Variants in ARHGAP26 observed in about 807,000 individuals in gnomAD.
The protein encoded by ARHGAP26 is Rho GTPase activating protein 26.
Under a neutral mutation model 104.8 loss-of-function variants are expected in ARHGAP26, and 38 were observed. The ratio of observed to expected loss-of-function variants is 0.36; its 90% CI spans 0.28 to 0.48. The LOEUF is 0.48. Among genes scored for constraint, ARHGAP26 ranks in the 20% least tolerant of loss-of-function variants. The probability of loss-of-function intolerance (pLI) is 0.99; values close to 1 mark genes in which losing one functional copy is unlikely to be tolerated. For missense variants in ARHGAP26, 704 were observed against 947.9 expected (o/e 0.74, Z 3.38); for synonymous variants, 341 against 340.0 (o/e 1.00, Z -0.03).
At chr5:143,195,316 G>C (rs1427545615) in intron 20 of ARHGAP26, among the ~76,000 whole-genome samples, 2 of 152,174 alleles carry the variant, frequency 1.3e-5, no homozygotes, top group Non-Finnish European at 2.9e-5. Flanking sequence ...CTCCTCTCCA[G>C]GGTTACCTGT....
intron 20 of ARHGAP26, among the ~76,000 whole-genome samples, chr5:143,157,707 T>C (rs112363966): frequency 0.011 from 1,703 of 152,344 alleles, 27 homozygotes; most frequent in African/African-American, 0.036. Flanking sequence ...GGCATTACTA[T>C]GGTAGAGATC....
intron 2 of ARHGAP26, chr5:142,874,819 G>T (rs1173902661): frequency 6.8e-6 from 2 of 294,556 alleles, no homozygotes; most frequent in East Asian, 1.4e-4. Flanking sequence ...CCAGCCCGGG[G>T]CCTGGAAGCC....
intron 1 of ARHGAP26, among the ~76,000 whole-genome samples, chr5:142,798,549 T>C (rs1761438500): frequency 6.6e-6 from 1 of 152,192 alleles, no homozygotes; most frequent in Non-Finnish European, 1.5e-5. Flanking sequence ...AAATGGAGTA[T>C]TGTGTAGCAT....
intron 1 of ARHGAP26, chr5:142,867,757 C>A (rs1394892481): frequency 6.6e-6 from 1 of 152,154 alleles, no homozygotes; most frequent in East Asian, 1.9e-4. Context: ...CAATGGACAA[C>A]ATGAAGGGAG....
At chr5:143,214,513 A>T (rs1810023475) in intron 22 of ARHGAP26, among the ~76,000 whole-genome samples, 1 of 152,216 alleles carries the variant, frequency 6.6e-6, no homozygotes, top group Non-Finnish European at 1.5e-5. Context: ...AAAGGCCCTG[A>T]TGCTCTCATA....
intron 19 of ARHGAP26, among the ~76,000 whole-genome samples, chr5:143,134,889 T>C (rs565684257): frequency 1.3e-5 from 2 of 152,406 alleles, no homozygotes; most frequent in East Asian, 1.9e-4. Flanking sequence ...GCCTGGGACA[T>C]GGCAAGGGCC....
chr5:142,837,311 G>T (rs762472471), intron 1 of ARHGAP26, among the ~76,000 whole-genome samples: 1 of 152,016 alleles, frequency 6.6e-6, no homozygotes, highest in Non-Finnish European at 1.5e-5. Context: ...TCCCATGAGA[G>T]GAATTAAGGA....
At chr5:143,113,493 T>G (rs1795021066) in intron 17 of ARHGAP26, among the ~76,000 whole-genome samples, 1 of 152,206 alleles carries the variant, frequency 6.6e-6, no homozygotes, top group African/African-American at 2.4e-5. Context: ...AGAACCCATT[T>G]TGGCTATTTT....
intron 14 of ARHGAP26, among the ~76,000 whole-genome samples, chr5:143,052,007 G>C (rs1363684964): frequency 1.3e-5 from 2 of 152,188 alleles, no homozygotes; most frequent in Non-Finnish European, 2.9e-5. Flanking sequence ...AGAGGTTTTT[G>C]ATACATACTC....
chr5:143,110,588 C>A (rs986487389), intron 17 of ARHGAP26, among the ~76,000 whole-genome samples: 2 of 152,116 alleles, frequency 1.3e-5, no homozygotes, highest in Non-Finnish European at 2.9e-5. Flanking sequence ...ACTTTTAAAC[C>A]TCCTCTATTT....
At chr5:143,136,521 A>G (rs1387405411) in intron 19 of ARHGAP26, among the ~76,000 whole-genome samples, 1 of 152,154 alleles carries the variant, frequency 6.6e-6, no homozygotes, top group African/African-American at 2.4e-5. Flanking sequence ...TTTAACTGCA[A>G]TTTATATGGG....
At chr5:142,928,346 A>G (rs892302409) in intron 10 of ARHGAP26, among the ~76,000 whole-genome samples, 2 of 151,796 alleles carry the variant, frequency 1.3e-5, no homozygotes, top group Non-Finnish European at 2.9e-5. Context: ...TCTGGACGCT[A>G]TTGAATTCTT....
intron 9 of ARHGAP26, among the ~76,000 whole-genome samples, chr5:142,912,460 G>A (rs993009085): frequency 3.6e-4 from 55 of 152,198 alleles, no homozygotes; most frequent in African/African-American, 1.3e-3. Flanking sequence ...TGGGGATGAT[G>A]GAATTGTTTG....
chr5:143,185,716 C>G (rs1734190231), intron 20 of ARHGAP26, among the ~76,000 whole-genome samples: 1 of 152,246 alleles, frequency 6.6e-6, no homozygotes, highest in Admixed American at 6.5e-5. Flanking sequence ...GTGCCCACCT[C>G]TTGATGTATG....
chr5:143,087,292 T>C (rs1481817333), intron 17 of ARHGAP26, among the ~76,000 whole-genome samples: 1 of 152,262 alleles, frequency 6.6e-6, no homozygotes, highest in African/African-American at 2.4e-5. Flanking sequence ...ACTTGTGCTA[T>C]AAGAACTTGG....
intron 10 of ARHGAP26, among the ~76,000 whole-genome samples, chr5:142,917,029 A>G (rs1400001079): frequency 7.1e-6 from 1 of 141,810 alleles, no homozygotes; most frequent in Non-Finnish European, 1.5e-5. Flanking sequence ...GTGCCTCAAG[A>G]CTTTGGAATT....
chr5:142,957,306 C>G (rs1769421155), intron 11 of ARHGAP26, among the ~76,000 whole-genome samples: 1 of 152,194 alleles, frequency 6.6e-6, no homozygotes, highest in East Asian at 1.9e-4. Flanking sequence ...TTGTATCTCT[C>G]ATCAGCACTT....
At chr5:142,829,121 A>G (rs1188965536) in intron 1 of ARHGAP26, among the ~76,000 whole-genome samples, 11 of 152,174 alleles carry the variant, frequency 7.2e-5, no homozygotes, top group African/African-American at 2.4e-4. Context: ...TGATAAGGAG[A>G]GGAGGCTTTG....
At chr5:142,939,558 T>C (rs924485951) in intron 11 of ARHGAP26, among the ~76,000 whole-genome samples, 4 of 152,234 alleles carry the variant, frequency 2.6e-5, no homozygotes, top group Non-Finnish European at 4.4e-5. Flanking sequence ...GCATTGCATA[T>C]GTTCTGCATC....
Sources: allele counts gnomAD v4.1 joint callset (sites outside exome capture counted in the v4.1 genomes callset), GRCh38; gene constraint gnomAD v4.1.1; transcripts MANE v1.5; gene names NCBI Gene and HGNC (gene_info 2026-07-23, HGNC 2026-07-21).